The following TCF3 variants were observed in gnomAD, a reference collection of about 807,000 sequenced individuals.
The protein encoded by TCF3 is transcription factor 3, also known as transcription factor E2-alpha.
In TCF3, 54 loss-of-function variants were observed where a neutral mutation model predicts 72.3. The observed-to-expected ratio is 0.75, with a 90% CI of 0.60 to 0.94. TCF3 has a LOEUF of 0.94. Among genes scored for constraint, TCF3 ranks in the 40% least tolerant of loss-of-function variants. The pLI, the probability that TCF3 is intolerant of heterozygous loss-of-function variation, is 0.00. For missense variants in TCF3, 1,078 were observed against 934.4 expected, an observed-to-expected ratio of 1.15 and a Z score of -2.00; for synonymous variants, 525 against 412.6, an observed-to-expected ratio of 1.27 and a Z score of -3.30.
intron 8 of TCF3, among the ~76,000 whole-genome samples, chr19:1,623,649 G>A (rs896803678): frequency 3.9e-5 from 6 of 152,140 alleles, no homozygotes; most frequent in African/African-American, 1.4e-4. Context: ...CTCCCAAAGC[G>A]CTGGGATGAC....
At chr19:1,618,931 C>T (rs886496621) in intron 16 of TCF3, among the ~76,000 whole-genome samples, 180 bp downstream of exon 16, 1 of 152,202 alleles carries the variant, frequency 6.6e-6, no homozygotes, top group Non-Finnish European at 1.5e-5. Context: ...ACGCCCAGGG[C>T]CAACGCCGGC....
chr19:1,642,162 ACACG>A (rs1246193438), intron 3 of TCF3, among the ~76,000 whole-genome samples: 10 of 146,554 alleles, frequency 6.8e-5, no homozygotes, highest in African/African-American at 1.8e-4. Context: ...ACACACACAC[ACACG>A]CACGCGTACA....
intron 8 of TCF3, 141 bp downstream of exon 8, chr19:1,623,810 T>C: frequency 1.2e-6 from 1 of 817,778 alleles, no homozygotes; most frequent in Non-Finnish European, 1.9e-6. Flanking sequence ...GGGTCAGAGC[T>C]CAGATCTTGG....
At chr19:1,638,583 G>A (rs2064795990) in intron 3 of TCF3, among the ~76,000 whole-genome samples, 1 of 152,198 alleles carries the variant, frequency 6.6e-6, no homozygotes, top group African/African-American at 2.4e-5. Flanking sequence ...AATACCAGCA[G>A]GGAAGAGAAA....
chr19:1,625,004 C>T (rs751950169), intron 7 of TCF3, among the ~76,000 whole-genome samples: 6 of 152,170 alleles, frequency 3.9e-5, no homozygotes, highest in Admixed American at 6.5e-5. Context: ...TGCCACCATA[C>T]TTAGCTAATT....
At chr19:1,638,125 A>C (rs1160779968) in intron 3 of TCF3, among the ~76,000 whole-genome samples, 1 of 152,206 alleles carries the variant, frequency 6.6e-6, no homozygotes. Context: ...GATTCCTAGA[A>C]GCCGTAACAA....
rs762498066 is a variant in TCF3 at position 1,632,442 on chromosome 19, A to G, written c.146-37T>C. 8.4e-6 allele frequency: 13 copies of G among 1,549,008 alleles called. No individual in the cohort carries two copies. The African/African-American group carries it at 1.6e-4, about 20-fold the overall frequency. On this transcript the variant is annotated intron_variant, in intron 3 of 18. Transcript: ENST00000262965. Reference sequence around the variant, plus strand: ...ACAGAGAGAGTTATGGGTCACCCTCACGCCTGCCCAGCTCTAAAAGCTTCG... The same window carrying G: ...ACAGAGAGAGTTATGGGTCACCCTCGCGCCTGCCCAGCTCTAAAAGCTTCG...
chr19:1,632,887 C>T (rs1007748002), intron 3 of TCF3, among the ~76,000 whole-genome samples: 7 of 152,246 alleles, frequency 4.6e-5, no homozygotes, highest in African/African-American at 1.7e-4. Flanking sequence ...CAGGGTCTCC[C>T]TGTCCCCACC....
intron 5 of TCF3, among the ~76,000 whole-genome samples, chr19:1,628,529 CG>C (rs371905379): frequency 3.1e-4 from 1 of 3,204 alleles, no homozygotes; most frequent in Non-Finnish European, 4.2e-4. Context: ...GCAGAGCTCA[CG>C]GGGGTGAGGC....
At position 1,613,114 on chromosome 19, in the gene TCF3, G is replaced by A. The variant is rs1300637074; in HGVS notation, c.1823-1265C>T. 2.6e-5 allele frequency among the ~76,000 whole-genome samples: 4 copies of A among 152,106 alleles called. No homozygotes were observed. The South Asian group carries it at 6.2e-4, about 24-fold the overall frequency. On this transcript the variant is annotated intron_variant, in intron 18 of 18. Coordinates refer to ENST00000262965, the MANE Select transcript of TCF3 (RefSeq NM_003200.5). ...GGTGTGGACAGCAGTGGGGGTACAC[G>A]GCTGGTGTTGGTGTGGGCAGCAGTA... is the stretch of plus-strand genomic sequence containing the variant.
intron 18 of TCF3, among the ~76,000 whole-genome samples, chr19:1,613,402 G>C (rs1277730855): frequency 2.0e-5 from 3 of 152,146 alleles, no homozygotes; most frequent in Admixed American, 6.5e-5. Context: ...CCGTCTGGGA[G>C]CCCACAGGGT....
chr19:1,642,131 C>G (rs1600036615), intron 3 of TCF3, among the ~76,000 whole-genome samples: 1 of 10,826 alleles, frequency 9.2e-5, no homozygotes, highest in Admixed American at 1.4e-3. Flanking sequence ...CACAGAACTA[C>G]ACACACACAC....
At chr19:1,623,260 G>A (rs1270919462) in intron 8 of TCF3, among the ~76,000 whole-genome samples, 7 of 152,178 alleles carry the variant, frequency 4.6e-5, no homozygotes, top group African/African-American at 1.7e-4. Context: ...CCAGCGAGAT[G>A]AGACCGCAGG....
rs1365533220 is a variant in TCF3 at position 1,627,367 on chromosome 19, G to T, written c.358C>A (p.Leu120Met). The T allele has an allele frequency of 6.2e-7, 1 of 1,609,924 alleles. No individual in the cohort carries two copies. The change falls in exon 6 of 19, where the codon CTG becomes ATG. Residue 120 changes from leucine (L) to methionine (M), a missense_variant. Physicochemically the swap from Leu to Met is conservative, Grantham distance 15. Coordinates refer to ENST00000262965, the MANE Select transcript of TCF3 (RefSeq NM_003200.5). Reference sequence around the variant, plus strand: ...CGGCCCGAGCCCCTCACCTGAGTCAGGCCGCCCACGCCTGCGTCTCTCCCG... The same window carrying T: ...CGGCCCGAGCCCCTCACCTGAGTCATGCCGCCCACGCCTGCGTCTCTCCCG... ...SFGRDAGVGG[L>M]TQAGFLSGEL...
At chr19:1,642,584 GAGA>G (rs2065492310) in intron 3 of TCF3, among the ~76,000 whole-genome samples, 1 of 152,134 alleles carries the variant, frequency 6.6e-6, no homozygotes, top group Non-Finnish European at 1.5e-5. Flanking sequence ...ATCCCCTTCC[GAGA>G]AGACCACCGC....
intron 3 of TCF3, among the ~76,000 whole-genome samples, chr19:1,633,377 C>G (rs772933234): frequency 6.6e-6 from 1 of 152,236 alleles, no homozygotes; most frequent in Middle Eastern, 3.4e-3. Context: ...AGAGGCTTCC[C>G]GAGAGCCAGG....
intron 3 of TCF3, among the ~76,000 whole-genome samples, chr19:1,642,157 C>CACACACACACACACACGCACGCGT (rs2065355294): frequency 1.3e-5 from 2 of 151,808 alleles, no homozygotes; most frequent in East Asian, 3.9e-4. Flanking sequence ...CACACACACA[C>CACACACACACACACACGCACGCGT]ACACACACGC....
At chr19:1,648,604 G>A (rs891929404) in intron 2 of TCF3, among the ~76,000 whole-genome samples, 19 of 152,196 alleles carry the variant, frequency 1.2e-4, no homozygotes, top group African/African-American at 4.6e-4. Flanking sequence ...AAAATAAAAC[G>A]GGGCTTAAAA....
At position 1,631,942 on chromosome 19, in the gene TCF3, G is replaced by A; in HGVS notation, c.298+96C>T. The A allele has an allele frequency of 1.9e-6, 3 of 1,550,020 alleles. 1 individual carries two copies. The highest frequency in any genetic ancestry group is 1.4e-5 in the African/African-American group (1 of 73,264). ...GTCCACACCCTCTGGGTGAACGCTG[G>A]GGACTTGCCTGGCGCTGTGCGTGCA... On this transcript the variant is annotated intron_variant, in intron 5 of 18. Coordinates refer to ENST00000262965, the MANE Select transcript of TCF3 (RefSeq NM_003200.5).
Sources: allele counts gnomAD v4.1 joint callset (sites outside exome capture counted in the v4.1 genomes callset), GRCh38; gene constraint gnomAD v4.1.1; transcripts MANE v1.5; gene names NCBI Gene and HGNC (gene_info 2026-07-23, HGNC 2026-07-21).